The following SORCS2 variants were observed in gnomAD, a reference collection of about 807,000 sequenced individuals.
SORCS2 encodes the protein VPS10 domain-containing receptor SorCS2.
Under a neutral mutation model 141.6 loss-of-function variants are expected in SORCS2, and 100 were observed. The ratio of observed to expected loss-of-function variants is 0.71; its 90% CI spans 0.60 to 0.83. The LOEUF (loss-of-function observed/expected upper bound fraction) is 0.83, where lower values mean the gene tolerates loss of function less well. Ranked by LOEUF, SORCS2 falls within the 40% of genes least tolerant of loss-of-function variation. The probability of loss-of-function intolerance (pLI) is 0.00; values close to 1 mark genes in which losing one functional copy is unlikely to be tolerated. For synonymous variants in SORCS2, 789 were observed against 676.9 expected, an observed-to-expected ratio of 1.17 and a Z score of -2.57; for missense variants, 1,646 against 1,560.2, an observed-to-expected ratio of 1.05 and a Z score of -0.93.
chr4:7,557,345 C>T (rs760197944), intron 3 of SORCS2, among the ~76,000 whole-genome samples: 4 of 152,162 alleles, frequency 2.6e-5, no homozygotes, highest in Non-Finnish European at 5.9e-5. Flanking sequence ...CATATCTGAG[C>T]CTCAATTACT....
At chr4:7,234,110 T>C (rs1712094959) in intron 1 of SORCS2, among the ~76,000 whole-genome samples, 1 of 152,170 alleles carries the variant, frequency 6.6e-6, no homozygotes, top group African/African-American at 2.4e-5. Flanking sequence ...GACAAGGACC[T>C]TGATCCCCCA....
At chr4:7,585,177 G>A (rs983661996) in intron 3 of SORCS2, among the ~76,000 whole-genome samples, 3 of 152,194 alleles carry the variant, frequency 2.0e-5, no homozygotes, top group Admixed American at 2.0e-4. Flanking sequence ...TTTCTTTAGT[G>A]GGGAATGGGC....
At chr4:7,555,205 C>T (rs1207843918) in intron 3 of SORCS2, among the ~76,000 whole-genome samples, 1 of 152,240 alleles carries the variant, frequency 6.6e-6, no homozygotes, top group Non-Finnish European at 1.5e-5. Context: ...ATTCCAGAAC[C>T]TCTGGCTGTG....
intron 1 of SORCS2, among the ~76,000 whole-genome samples, chr4:7,229,944 G>T (rs1045999669): frequency 1.3e-5 from 2 of 149,718 alleles, no homozygotes; most frequent in African/African-American, 5.0e-5. Context: ...GGCAGGAGCA[G>T]TGTCATGTGC....
intron 1 of SORCS2, among the ~76,000 whole-genome samples, chr4:7,322,862 C>T (rs1163052241): frequency 6.6e-6 from 1 of 152,206 alleles, no homozygotes; most frequent in Non-Finnish European, 1.5e-5. Context: ...AGAGCACTGA[C>T]CAGCTGCGGC....
intron 2 of SORCS2, among the ~76,000 whole-genome samples, chr4:7,429,134 A>G (rs1408799719): frequency 6.6e-6 from 1 of 152,186 alleles, no homozygotes; most frequent in Admixed American, 6.5e-5. Flanking sequence ...ATTGAGGCAC[A>G]TGCGTGAGTG....
chr4:7,567,115 C>T (rs1343253216), intron 3 of SORCS2, among the ~76,000 whole-genome samples: 2 of 152,184 alleles, frequency 1.3e-5, no homozygotes, highest in African/African-American at 4.8e-5. Context: ...AATTTTATAA[C>T]TGTTTTAGGT....
chr4:7,618,595 C>T (rs763787399), intron 3 of SORCS2, among the ~76,000 whole-genome samples: 21 of 152,154 alleles, frequency 1.4e-4, no homozygotes, highest in Non-Finnish European at 2.8e-4. Flanking sequence ...TTTCTCCAAA[C>T]GCCAAGTTTG....
intron 2 of SORCS2, among the ~76,000 whole-genome samples, chr4:7,406,091 A>G (rs1724951784): frequency 6.6e-6 from 1 of 152,092 alleles, no homozygotes; most frequent in Non-Finnish European, 1.5e-5. Flanking sequence ...TTGGTACAAA[A>G]TCCACTTGAT....
chr4:7,733,832 C>T (rs982092970), intron 24 of SORCS2, among the ~76,000 whole-genome samples: 2 of 152,242 alleles, frequency 1.3e-5, no homozygotes, highest in Non-Finnish European at 2.9e-5. Context: ...GGGAGCTCTG[C>T]CCACAGCCTC....
At chr4:7,662,942 G>A (rs1304388608) in intron 6 of SORCS2, among the ~76,000 whole-genome samples, 4 of 152,240 alleles carry the variant, frequency 2.6e-5, no homozygotes, top group Non-Finnish European at 2.9e-5. Context: ...GAATGAGTGA[G>A]TGATTGAGGG....
intron 1 of SORCS2, among the ~76,000 whole-genome samples, chr4:7,389,838 G>A (rs868194100): frequency 6.6e-6 from 1 of 152,206 alleles, no homozygotes; most frequent in South Asian, 2.1e-4. Context: ...CCGCGGTAGT[G>A]AGAGTGGAGG....
Position 7,741,746 on chromosome 4 carries a change from T to TG in SORCS2, c.*1487dup, listed in dbSNP as rs1440120035. The TG allele has an allele frequency of 6.4e-6, 1 of 155,322 alleles. No homozygotes were observed. Among genetic ancestry groups the TG allele is most frequent in the Non-Finnish European group, 1.4e-5 (1 of 70,356 alleles). The allele number at this position is 155,322 out of a possible 1,614,324, so 9.6% of individuals were successfully genotyped here. On this transcript the variant is annotated 3_prime_UTR_variant, in exon 27 of 27. Transcript: ENST00000507866. ...GAGCCCTGGCTGGTGACATGCTGGC[T>TG]GGGGGTGAATCCGAATGACAGTGCA...
chr4:7,400,486 C>CCAG (rs1464110303), intron 2 of SORCS2, among the ~76,000 whole-genome samples: 1 of 151,974 alleles, frequency 6.6e-6, no homozygotes, highest in Non-Finnish European at 1.5e-5. Flanking sequence ...ACCACCACCA[C>CCAG]CACTAGAACA....
intron 17 of SORCS2, among the ~76,000 whole-genome samples, chr4:7,716,412 T>G (rs1348048427): frequency 2.6e-5 from 4 of 152,160 alleles, no homozygotes; most frequent in African/African-American, 7.2e-5. Flanking sequence ...TCTCCATCCA[T>G]TCATTCATCC....
Position 7,689,559 on chromosome 4 carries a change from A to G in SORCS2, c.1562A>G (p.Asp521Gly). 1 of 1,603,844 alleles carries G rather than the reference A, an allele frequency of 6.2e-7. No individual in the cohort carries two copies. Among genetic ancestry groups the G allele is most frequent in the Non-Finnish European group, 8.5e-7 (1 of 1,175,744 alleles). ...PYVSGTVHTK[D>G]TAPGLIMGAG... ...GTATCAGGCACCGTGCACACCAAGG[A>G]CACCGCCCCAGGCCTCATCATGGGT... Residue 521 changes from aspartate to glycine, a missense_variant, in exon 11 of 27, where the codon GAC becomes GGC. Asp to Gly is a moderately conservative substitution (Grantham distance 94). Transcript: ENST00000507866.
At chr4:7,640,222 A>G (rs1201580090) in intron 4 of SORCS2, among the ~76,000 whole-genome samples, 2 of 108,304 alleles carry the variant, frequency 1.8e-5, no homozygotes, top group African/African-American at 3.7e-5. Context: ...ATGGGTGTGT[A>G]TGAGCGTGTG....
At chr4:7,562,228 A>G (rs184343396) in intron 3 of SORCS2, among the ~76,000 whole-genome samples, 114 of 152,302 alleles carry the variant, frequency 7.5e-4, no homozygotes, top group South Asian at 2.3e-3. Context: ...AAGTAGTGTC[A>G]CAATGTGCTC....
At chr4:7,333,700 C>T (rs1421236353) in intron 1 of SORCS2, among the ~76,000 whole-genome samples, 1 of 152,198 alleles carries the variant, frequency 6.6e-6, no homozygotes, top group African/African-American at 2.4e-5. Context: ...CAGGTCTCCC[C>T]ACAGGTTCCA....
Sources: gnomAD v4.1 joint callset for allele counts (sites outside exome capture counted in the v4.1 genomes callset) on GRCh38, gnomAD v4.1.1 for gene constraint, MANE v1.5 for transcripts, NCBI Gene and HGNC (gene_info 2026-07-23, HGNC 2026-07-21) for gene names.